The following CUX2 variants were observed in gnomAD, a reference collection of about 807,000 sequenced individuals.
CUX2 encodes the protein cut like homeobox 2, also known as homeobox protein cut-like 2.
A neutral mutation model predicts 144.8 loss-of-function variants in CUX2; 40 were observed. That is an observed-to-expected ratio of 0.28 (90% CI 0.21 to 0.36). CUX2 has a LOEUF of 0.36. Among genes scored for constraint, CUX2 ranks in the 10% least tolerant of loss-of-function variants. The pLI is 1.00. For missense variants in CUX2, 1,615 were observed against 1,994.0 expected, an observed-to-expected ratio of 0.81 and a Z score of 3.62; for synonymous variants, 827 against 875.6, an observed-to-expected ratio of 0.94 and a Z score of 0.98.
At chr12:111,092,409 C>T (rs1489614677) in intron 1 of CUX2, among the ~76,000 whole-genome samples, 1 of 152,186 alleles carries the variant, frequency 6.6e-6, no homozygotes, top group Non-Finnish European at 1.5e-5. Context: ...CACAGCTTGC[C>T]TTTCCCAGAC....
chr12:111,275,342 C>T (rs935517333), intron 4 of CUX2, among the ~76,000 whole-genome samples: 2 of 152,208 alleles, frequency 1.3e-5, no homozygotes, highest in African/African-American at 4.8e-5. Flanking sequence ...GGGGTCTGTA[C>T]ATCCAGGTTG....
rs201009821 is a variant in CUX2, at chr12:111,316,142, C to CTT, written c.2003-3855_2003-3854dup. Among the ~76,000 whole-genome samples the CTT allele has an allele frequency of 1.6e-3, 217 of 132,076 alleles. 2 individuals carry two copies. The highest frequency in any genetic ancestry group is 3.8e-3 in the Middle Eastern group (1 of 264). 86.6% of individuals were successfully genotyped at this position (132,076 alleles called of 152,430 possible). On this transcript the variant is annotated intron_variant, in intron 16 of 21. Transcript: ENST00000261726. ...AAAATTCTCATAACATAAAATTAAG[C>CTT]TTTTTTTTTTTTTTTTGAGACAGAG... is the stretch of plus-strand genomic sequence containing the variant.
intron 1 of CUX2, among the ~76,000 whole-genome samples, chr12:111,136,135 G>C (rs1380708713): frequency 6.6e-6 from 1 of 151,962 alleles, no homozygotes; most frequent in Non-Finnish European, 1.5e-5. Context: ...TAGGCCTAAG[G>C]GGTGTGGATT....
In CUX2 at chr12:111,293,434, T is replaced by C; in HGVS notation, c.437-12T>C. 1 of 1,600,536 alleles carries C rather than the reference T, an allele frequency of 6.2e-7. No individual in the cohort carries two copies. Among genetic ancestry groups the C allele is most frequent in the South Asian group, 1.1e-5 (1 of 88,540 alleles). Reference sequence around the variant, plus strand: ...TTGGCAATGGGGGTTTTCCCTCTTTTTCTCCCTGCAGAGCAGAGAGAGGGG... The same window carrying C: ...TTGGCAATGGGGGTTTTCCCTCTTTCTCTCCCTGCAGAGCAGAGAGAGGGG... On this transcript the variant is annotated splice_polypyrimidine_tract_variant and intron_variant, in intron 5 of 21. Coordinates refer to ENST00000261726, the MANE Select transcript of CUX2 (RefSeq NM_015267.4). This position sits in a 1 kb window ranked among gnomAD's most constrained non-coding sequence, Gnocchi z 4.5.
intron 3 of CUX2, among the ~76,000 whole-genome samples, chr12:111,243,694 T>C (rs1333452223): frequency 6.6e-6 from 1 of 151,798 alleles, no homozygotes; most frequent in African/African-American, 2.4e-5. Flanking sequence ...AGTAGAGTGA[T>C]CAACTGTCAC....
chr12:111,162,718 C>T (rs1471762934), intron 1 of CUX2, among the ~76,000 whole-genome samples: 6 of 152,192 alleles, frequency 3.9e-5, no homozygotes, highest in Non-Finnish European at 7.3e-5. Context: ...CCAGAAGACC[C>T]TTGCTTGATT....
At chr12:111,092,829 T>TC (rs1872621381) in intron 1 of CUX2, among the ~76,000 whole-genome samples, 1 of 150,398 alleles carries the variant, frequency 6.6e-6, no homozygotes, top group Admixed American at 6.6e-5. Flanking sequence ...TTTTTTTTTT[T>TC]TTTAAGAAAA....
Position 111,277,639 on chromosome 12 carries a change from G to A in CUX2, c.302-13779G>A, listed in dbSNP as rs1433610378. Among the ~76,000 whole-genome samples, 1 of 152,044 alleles carries A rather than the reference G, an allele frequency of 6.6e-6. No individual in the cohort carries two copies. The highest frequency in any genetic ancestry group is 1.5e-5 in the Non-Finnish European group (1 of 68,002). On this transcript the variant is annotated intron_variant, in intron 4 of 21. Coordinates refer to ENST00000261726, the MANE Select transcript of CUX2 (RefSeq NM_015267.4). This position sits in a 1 kb window ranked among gnomAD's most constrained non-coding sequence, Gnocchi z 5.0. ...CCCTCTAGAGTGTCAGCCCCAGGAG[G>A]GCAGGAATTTTCTATCATTTCCTGC...
At chr12:111,324,366 A>AG (rs1491336371) in intron 18 of CUX2, among the ~76,000 whole-genome samples, 4 of 86,116 alleles carry the variant, frequency 4.6e-5, no homozygotes, top group Non-Finnish European at 7.8e-5. Context: ...AAAAAAAAAA[A>AG]GAAAGAAAGA....
At chr12:111,093,711 G>A (rs752604491) in intron 1 of CUX2, among the ~76,000 whole-genome samples, 42 of 152,312 alleles carry the variant, frequency 2.8e-4, no homozygotes, top group Middle Eastern at 3.4e-3. Flanking sequence ...AGCGCCTGTC[G>A]CTCTTCCTTT....
chr12:111,272,506 A>G (rs978909781), intron 4 of CUX2, among the ~76,000 whole-genome samples: 3 of 152,146 alleles, frequency 2.0e-5, no homozygotes, highest in Non-Finnish European at 1.5e-5. Context: ...ACTCTGTCAC[A>G]CAGGCTGGAG....
At chr12:111,292,720 G>A (rs1054464915) in intron 5 of CUX2, among the ~76,000 whole-genome samples, 9 of 152,330 alleles carry the variant, frequency 5.9e-5, no homozygotes, top group Admixed American at 2.6e-4. Context: ...GAGATTGGTC[G>A]TTGCCTAGGG....
intron 16 of CUX2, among the ~76,000 whole-genome samples, chr12:111,313,228 A>ATTT (rs1336966730): frequency 0.048 from 6,724 of 140,506 alleles, 161 homozygotes; most frequent in South Asian, 0.086. Flanking sequence ...CACCTGGCTA[A>ATTT]TTTTTTTTTT....
chr12:111,346,228 C>A (rs1288656197), intron 21 of CUX2, among the ~76,000 whole-genome samples: 1 of 151,172 alleles, frequency 6.6e-6, no homozygotes, highest in Non-Finnish European at 1.5e-5. Flanking sequence ...GTAATCCCAA[C>A]ACTTTGGGAG....
chr12:111,048,731 C>T (rs908340895), intron 1 of CUX2, among the ~76,000 whole-genome samples: 7 of 152,184 alleles, frequency 4.6e-5, no homozygotes, highest in Non-Finnish European at 7.4e-5. Context: ...CTGTAGAGCC[C>T]GGGCCACATG....
In CUX2 at chr12:111,061,217, G is replaced by C. The variant is rs1038518670; in HGVS notation, c.63+26977G>C. 2.9e-5 allele frequency among the ~76,000 whole-genome samples: 3 copies of C among 102,580 alleles called. No individual in the cohort carries two copies. Among genetic ancestry groups the C allele is most frequent in the Admixed American group, 1.9e-4 (2 of 10,484 alleles). 67.3% of individuals were successfully genotyped at this position (102,580 alleles called of 152,430 possible). On this transcript the variant is annotated intron_variant, in intron 1 of 21. Coordinates refer to ENST00000261726, the MANE Select transcript of CUX2 (RefSeq NM_015267.4). The surrounding 1 kb of genome is among the most constrained non-coding windows in gnomAD (Gnocchi z 4.2). ...ACACACACACACACACACACACACA[G>C]CAAGGAGGATGCCTGGCTTTCTGAG...
intron 1 of CUX2, among the ~76,000 whole-genome samples, chr12:111,148,125 C>T (rs1876813425): frequency 6.6e-6 from 1 of 152,252 alleles, no homozygotes; most frequent in Admixed American, 6.5e-5. Context: ...GTGTAAGTAA[C>T]CCAGGTTGCC....
Position 111,186,658 on chromosome 12 carries a change from C to A in CUX2, c.64-27542C>A, listed in dbSNP as rs1466151257. 6.6e-6 allele frequency among the ~76,000 whole-genome samples: 1 copy of A among 152,210 alleles called. No individual in the cohort carries two copies. The highest frequency in any genetic ancestry group is 1.5e-5 in the Non-Finnish European group (1 of 68,032). On this transcript the variant is annotated intron_variant, in intron 1 of 21. Coordinates refer to ENST00000261726, the MANE Select transcript of CUX2 (RefSeq NM_015267.4). This position sits in a 1 kb window ranked among gnomAD's most constrained non-coding sequence, Gnocchi z 4.4. ...GCGCCGCCATCTGCCAGCTGTGTGA[C>A]CTTGTATGACCTTGCCACTCTGAGC...
At chr12:111,118,733 A>C (rs978833148) in intron 1 of CUX2, among the ~76,000 whole-genome samples, 8 of 152,200 alleles carry the variant, frequency 5.3e-5, no homozygotes, top group Non-Finnish European at 8.8e-5. Context: ...CCCCTAAGAC[A>C]GTGGTTAGAC....
Sources: allele counts gnomAD v4.1 joint callset (sites outside exome capture counted in the v4.1 genomes callset), GRCh38; gene constraint gnomAD v4.1.1; non-coding constraint Gnocchi (gnomAD v3.1); transcripts MANE v1.5; gene names NCBI Gene and HGNC (gene_info 2026-07-23, HGNC 2026-07-21).